Variants in LGSN observed in about 807,000 individuals in gnomAD.
LGSN encodes lengsin.
LGSN carries 21 observed loss-of-function variants against 19.5 expected under a neutral mutation model. The ratio of observed to expected loss-of-function variants is 1.07; its 90% CI spans 0.76 to 1.55. The LOEUF (loss-of-function observed/expected upper bound fraction) is 1.55. Ranked by LOEUF, LGSN falls within the 40% of genes most tolerant of loss-of-function variation. The pLI, the probability that LGSN is intolerant of heterozygous loss-of-function variation, is 0.00. For missense variants in LGSN, 673 were observed against 608.5 expected, an observed-to-expected ratio of 1.11 and a Z score of -1.12; for synonymous variants, 257 against 215.6, an observed-to-expected ratio of 1.19 and a Z score of -1.68.
At chr6:63,429,133 G>T in the LGSN span, among the ~76,000 whole-genome samples, 2 of 152,178 alleles carry the variant, frequency 1.3e-5, no homozygotes, top group Non-Finnish European at 2.9e-5. Flanking sequence ...CACAAAGTCT[G>T]CAGTCTAACT....
chr6:63,469,719 A>ATTGAT, the LGSN span, among the ~76,000 whole-genome samples: 36 of 152,162 alleles, frequency 2.4e-4, no homozygotes, highest in African/African-American at 8.4e-4. Flanking sequence ...AGTTGCATTT[A>ATTGAT]TTGTTTTGTT....
the LGSN span, among the ~76,000 whole-genome samples, chr6:63,530,101 G>T: frequency 1.3e-5 from 2 of 152,070 alleles, no homozygotes; most frequent in African/African-American, 2.4e-5. Context: ...CTGAAAATGA[G>T]CCGATAGAAA....
the LGSN span, among the ~76,000 whole-genome samples, chr6:63,371,385 G>A: frequency 6.6e-6 from 1 of 152,222 alleles, no homozygotes; most frequent in Admixed American, 6.5e-5. Flanking sequence ...GTAAACCACT[G>A]AAAACGGCAT....
At chr6:63,354,974 G>C in the LGSN span, among the ~76,000 whole-genome samples, 29 of 152,138 alleles carry the variant, frequency 1.9e-4, no homozygotes, top group Middle Eastern at 3.4e-3. Context: ...AATTACTAAC[G>C]ACTAGGAAGG....
intron 1 of LGSN, among the ~76,000 whole-genome samples, chr6:63,314,569 A>G (rs531116979): frequency 6.6e-6 from 1 of 152,316 alleles, no homozygotes; most frequent in Admixed American, 6.5e-5. Flanking sequence ...TTCAGATGAG[A>G]TAACTGAGCC....
the LGSN span, among the ~76,000 whole-genome samples, chr6:63,542,029 GT>G: frequency 4.2e-5 from 4 of 96,094 alleles, no homozygotes; most frequent in Non-Finnish European, 9.1e-5. Context: ...TGTGGTGTGT[GT>G]GTGTGTGTGT....
the LGSN span, among the ~76,000 whole-genome samples, chr6:63,499,322 T>C: frequency 1.3e-5 from 2 of 152,132 alleles, no homozygotes; most frequent in African/African-American, 2.4e-5. Flanking sequence ...GTACAGTCAC[T>C]GGTTTCTGTG....
chr6:63,360,952 C>T, the LGSN span, among the ~76,000 whole-genome samples: 35 of 152,328 alleles, frequency 2.3e-4, no homozygotes, highest in African/African-American at 7.5e-4. Context: ...GTATCAGCAG[C>T]GGAGGCTGCA....
Position 63,276,067 on chromosome 6 carries a change from G to GT in LGSN, c.*3953dup, listed in dbSNP as rs1170190965. On this transcript the variant is annotated 3_prime_UTR_variant, in exon 4 of 4. Coordinates refer to ENST00000370657, the MANE Select transcript of LGSN (RefSeq NM_016571.3). ...GAAGAGCTTTAACAGGGAAGGCACT[G>GT]TGCACATAGGTAATGTTTAAAGACA... 6.6e-6 allele frequency: 1 copy of GT among 152,178 alleles called. No homozygotes were observed. The highest frequency in any genetic ancestry group is 6.5e-5 in the Admixed American group (1 of 15,286). 9.4% of individuals were successfully genotyped at this position (152,178 alleles called of 1,614,324 possible).
the LGSN span, among the ~76,000 whole-genome samples, chr6:63,341,509 G>A: frequency 6.6e-6 from 1 of 152,142 alleles, no homozygotes; most frequent in African/African-American, 2.4e-5. Flanking sequence ...GCAGCCCCAG[G>A]AAGGTAGCTC....
the LGSN span, among the ~76,000 whole-genome samples, chr6:63,347,917 C>T: frequency 1.3e-5 from 2 of 151,932 alleles, no homozygotes; most frequent in Non-Finnish European, 2.9e-5. Flanking sequence ...GGGAAATATT[C>T]CTAATATTAG....
intron 3 of LGSN, among the ~76,000 whole-genome samples, chr6:63,281,625 G>C (rs934747349): frequency 1.3e-5 from 2 of 151,884 alleles, no homozygotes; most frequent in Non-Finnish European, 2.9e-5. Flanking sequence ...TTCAGATAAG[G>C]CTTTCTTTTT....
At chr6:63,377,691 T>C in the LGSN span, among the ~76,000 whole-genome samples, 1 of 151,284 alleles carries the variant, frequency 6.6e-6, no homozygotes, top group Non-Finnish European at 1.5e-5. Context: ...GGCAGGAGGA[T>C]CACTTAAGGT....
intron 2 of LGSN, among the ~76,000 whole-genome samples, chr6:63,292,616 C>T (rs1285015441): frequency 1.3e-5 from 2 of 152,192 alleles, no homozygotes; most frequent in African/African-American, 2.4e-5. Flanking sequence ...AGTAAAGACT[C>T]TGGACACCAA....
At chr6:63,318,549 T>C (rs1171490081) in intron 1 of LGSN, among the ~76,000 whole-genome samples, 1 of 152,206 alleles carries the variant, frequency 6.6e-6, no homozygotes, top group Non-Finnish European at 1.5e-5. Flanking sequence ...GTAAATACAA[T>C]GCTCTATTCC....
the LGSN span, among the ~76,000 whole-genome samples, chr6:63,490,053 T>G: frequency 6.6e-6 from 1 of 152,220 alleles, no homozygotes; most frequent in South Asian, 2.1e-4. Context: ...GAAAATGCTA[T>G]CTATTTTAAA....
At chr6:63,394,360 G>A in the LGSN span, among the ~76,000 whole-genome samples, 4 of 152,196 alleles carry the variant, frequency 2.6e-5, no homozygotes, top group Non-Finnish European at 1.5e-5. Flanking sequence ...ACCTCTGGAG[G>A]TCCTCACTGC....
chr6:63,282,477 C>T (rs1045167190), intron 3 of LGSN, among the ~76,000 whole-genome samples: 3 of 152,264 alleles, frequency 2.0e-5, no homozygotes, highest in East Asian at 3.9e-4. Context: ...CTTTCTGCTT[C>T]GTATATGGCT....
the LGSN span, among the ~76,000 whole-genome samples, chr6:63,459,346 G>A: frequency 5.3e-5 from 8 of 151,974 alleles, no homozygotes; most frequent in East Asian, 1.9e-4. Flanking sequence ...TGGAAAATAC[G>A]CCACAAGCTT....
Sources: gnomAD v4.1 joint callset for allele counts (sites outside exome capture counted in the v4.1 genomes callset) on GRCh38, gnomAD v4.1.1 for gene constraint, MANE v1.5 for transcripts, NCBI Gene and HGNC (gene_info 2026-07-23, HGNC 2026-07-21) for gene names.